DNM3: variants seen among roughly 807,000 people sequenced by gnomAD.
DNM3 encodes the protein dynamin 3, also known as dynamin-3.
Under a neutral mutation model 101.6 loss-of-function variants are expected in DNM3, and 47 were observed. That is an observed-to-expected ratio of 0.46 (90% CI 0.37 to 0.59). The LOEUF is 0.59. DNM3 is among the 20% of genes least tolerant of loss of function. The probability of loss-of-function intolerance (pLI) is 0.00; values close to 1 mark genes in which losing one functional copy is unlikely to be tolerated. For synonymous variants in DNM3, 385 were observed against 387.9 expected (o/e 0.99, Z 0.09); for missense variants, 849 against 1,085.7 (o/e 0.78, Z 3.06).
chr1:172,374,339 C>A (rs2068494774), intron 17 of DNM3, among the ~76,000 whole-genome samples: 1 of 151,942 alleles, frequency 6.6e-6, no homozygotes, highest in African/African-American at 2.4e-5. Context: ...TATCTTCAGG[C>A]CTTTCGGGAG....
intron 1 of DNM3, among the ~76,000 whole-genome samples, chr1:171,875,626 C>A (rs955167737): frequency 6.6e-6 from 1 of 152,094 alleles, no homozygotes. Context: ...CCTGGACAAC[C>A]TTGGGGAAGT....
intron 13 of DNM3, among the ~76,000 whole-genome samples, chr1:172,093,993 T>C (rs1347922628): frequency 6.6e-6 from 1 of 152,212 alleles, no homozygotes; most frequent in African/African-American, 2.4e-5. Context: ...TGTGGGTGCT[T>C]TGATATTTCT....
intron 14 of DNM3, among the ~76,000 whole-genome samples, chr1:172,179,841 A>G (rs1030647836): frequency 2.0e-5 from 3 of 152,002 alleles, no homozygotes. Flanking sequence ...TTTTTTATGT[A>G]TTAAAAAACT....
chr1:172,107,838 G>A (rs779243314), intron 13 of DNM3, among the ~76,000 whole-genome samples: 20 of 152,140 alleles, frequency 1.3e-4, no homozygotes, highest in Non-Finnish European at 2.8e-4. Context: ...CCCAAAGCAC[G>A]AATCTTTTCA....
At chr1:172,183,024 G>C (rs144319741) in intron 14 of DNM3, among the ~76,000 whole-genome samples, 46 of 152,132 alleles carry the variant, frequency 3.0e-4, no homozygotes, top group African/African-American at 1.0e-3. Context: ...CCAAGAACTG[G>C]TAAAAAGGCA....
At chr1:172,141,147 A>T (rs1386150498) in intron 14 of DNM3, among the ~76,000 whole-genome samples, 1 of 152,118 alleles carries the variant, frequency 6.6e-6, no homozygotes, top group African/African-American at 2.4e-5. Context: ...AAGTCAAAAA[A>T]TTCAAAATGA....
intron 14 of DNM3, among the ~76,000 whole-genome samples, chr1:172,160,148 G>A (rs1448713226): frequency 6.6e-6 from 1 of 151,874 alleles, no homozygotes; most frequent in Admixed American, 6.6e-5. Flanking sequence ...GTGAGTTAGC[G>A]AGTGAGTGGT....
intron 18 of DNM3, among the ~76,000 whole-genome samples, chr1:172,385,883 C>T (rs1279390767): frequency 6.6e-6 from 1 of 152,196 alleles, no homozygotes; most frequent in Non-Finnish European, 1.5e-5. Context: ...AAGTTAATTG[C>T]TGCACTACTG....
intron 18 of DNM3, among the ~76,000 whole-genome samples, chr1:172,380,010 T>A (rs1001131054): frequency 2.0e-5 from 3 of 152,062 alleles, no homozygotes; most frequent in Non-Finnish European, 4.4e-5. Flanking sequence ...GACATCTTTT[T>A]ATTTAATCCA....
At chr1:172,248,489 A>G (rs1223530977) in intron 14 of DNM3, among the ~76,000 whole-genome samples, 1 of 152,124 alleles carries the variant, frequency 6.6e-6, no homozygotes, top group Non-Finnish European at 1.5e-5. Context: ...ATAAATAAAG[A>G]TTGCCATGCT....
intron 1 of DNM3, among the ~76,000 whole-genome samples, chr1:171,860,420 A>T (rs1382312913): frequency 6.6e-6 from 1 of 152,154 alleles, no homozygotes; most frequent in African/African-American, 2.4e-5. Context: ...AAAGAATACA[A>T]ACTGCCTTAT....
At chr1:172,052,115 C>T (rs903297457) in intron 10 of DNM3, among the ~76,000 whole-genome samples, 2 of 152,132 alleles carry the variant, frequency 1.3e-5, no homozygotes, top group African/African-American at 4.8e-5. Flanking sequence ...TTCATCCTCA[C>T]TTTCAATGAA....
At chr1:172,387,052 TCTGA>T in intron 18 of DNM3, 77 bp from the exon 19 acceptor site, 1 of 1,223,358 alleles carries the variant, frequency 8.2e-7, no homozygotes, top group South Asian at 1.3e-5. Flanking sequence ...TTGTCCAGAC[TCTGA>T]CTGCCACAGC....
At chr1:172,049,038 G>T (rs1402010330) in intron 10 of DNM3, among the ~76,000 whole-genome samples, 2 of 152,172 alleles carry the variant, frequency 1.3e-5, no homozygotes, top group Non-Finnish European at 2.9e-5. Flanking sequence ...TTAGGCAAAT[G>T]CCCTAAGCTC....
At chr1:172,233,045 G>C (rs2061398272) in intron 14 of DNM3, among the ~76,000 whole-genome samples, 1 of 152,162 alleles carries the variant, frequency 6.6e-6, no homozygotes, top group South Asian at 2.1e-4. Flanking sequence ...GATCAGAGCA[G>C]AACTGAAGGA....
At chr1:172,189,849 G>A (rs1322625997) in intron 14 of DNM3, among the ~76,000 whole-genome samples, 1 of 151,782 alleles carries the variant, frequency 6.6e-6, no homozygotes, top group Non-Finnish European at 1.5e-5. Context: ...GAGAGAAGGG[G>A]GAGGTCCAAG....
chr1:171,993,498 C>CTTTTTTTTTTTT (rs145178902), intron 4 of DNM3, among the ~76,000 whole-genome samples: 19 of 128,692 alleles, frequency 1.5e-4, no homozygotes, highest in East Asian at 9.0e-4. Context: ...TTTCAAGATT[C>CTTTTTTTTTTTT]TTTTTTTTTT....
intron 1 of DNM3, among the ~76,000 whole-genome samples, chr1:171,861,472 G>C (rs115866268): frequency 6.6e-6 from 1 of 152,192 alleles, no homozygotes; most frequent in African/African-American, 2.4e-5. Flanking sequence ...AAAGTACCAA[G>C]ATAATTCAAT....
chr1:172,032,529 T>TAA, intron 5 of DNM3, 29 bp downstream of exon 5: 1 of 249,344 alleles, frequency 4.0e-6, no homozygotes, highest in Non-Finnish European at 5.4e-6. Flanking sequence ...TACAAGACTT[T>TAA]TTTTTTTTTT....
Sources: gnomAD v4.1 joint callset for allele counts (sites outside exome capture counted in the v4.1 genomes callset) on GRCh38, gnomAD v4.1.1 for gene constraint, MANE v1.5 for transcripts, NCBI Gene and HGNC (gene_info 2026-07-23, HGNC 2026-07-21) for gene names.